The following DZIP3 variants were observed in gnomAD, a reference collection of about 807,000 sequenced individuals.
The protein encoded by DZIP3 is DAZ interacting zinc finger protein 3.
DZIP3 carries 118 observed loss-of-function variants against 162.0 expected under a neutral mutation model. That is an observed-to-expected ratio of 0.73 (90% CI 0.63 to 0.85). The LOEUF (loss-of-function observed/expected upper bound fraction) is 0.85. DZIP3 is among the 40% of genes least tolerant of loss of function. DZIP3 has a pLI of 0.00. For synonymous variants in DZIP3, 438 were observed against 458.6 expected, an observed-to-expected ratio of 0.96 and a Z score of 0.57; for missense variants, 1,331 against 1,407.0, an observed-to-expected ratio of 0.95 and a Z score of 0.86.
chr3:108,674,168 C>T lies in DZIP3; in HGVS notation c.2680C>T (p.His894Tyr), dbSNP rs1245874668. 6.2e-7 allele frequency: 1 copy of T among 1,611,956 alleles called. No individual in the cohort carries two copies. The highest frequency in any genetic ancestry group is 8.5e-7 in the Non-Finnish European group (1 of 1,178,766). The change falls in exon 24 of 33, where the codon CAC becomes TAC. Residue 894 changes from histidine to tyrosine, a missense_variant. Physicochemically the swap from His to Tyr is moderately conservative, Grantham distance 83. Coordinates refer to ENST00000361582, the MANE Select transcript of DZIP3 (RefSeq NM_014648.4). ...TCTCAATCAGCTTGCCAGGGTGACT[C>T]ACATGGCAGCAAGGTAACCTTTCCC... is the stretch of plus-strand genomic sequence containing the variant. The part of the protein sequence containing the change: ...ECLNQLARVT[H>Y]MAASNLESLQ...
At chr3:108,688,147 A>G (rs1045069267) in intron 29 of DZIP3, 51 bp downstream of exon 29, 1 of 1,597,254 alleles carries the variant, frequency 6.3e-7, no homozygotes, top group Admixed American at 1.7e-5. Flanking sequence ...CCTTAACTCT[A>G]GTAGTTAACT....
chr3:108,671,876 G>T (rs900101342), intron 22 of DZIP3, among the ~76,000 whole-genome samples: 1 of 151,914 alleles, frequency 6.6e-6, no homozygotes, highest in South Asian at 2.1e-4. Context: ...TGAGGAAACT[G>T]AGGTATAGAG....
chr3:108,626,107 T>A, intron 7 of DZIP3, 138 bp downstream of exon 7: 2 of 1,011,524 alleles, frequency 2.0e-6, no homozygotes, highest in Non-Finnish European at 2.8e-6. Flanking sequence ...CCTATTTGTA[T>A]AGATAATTTC....
chr3:108,645,901 G>A (rs1438201385), intron 14 of DZIP3, among the ~76,000 whole-genome samples: 1 of 152,068 alleles, frequency 6.6e-6, no homozygotes, highest in African/African-American at 2.4e-5. Context: ...ACTCTATTAG[G>A]ATTTTAAATA....
chr3:108,688,538 C>G, intron 29 of DZIP3, 55 bp from the exon 30 acceptor site: 3 of 1,562,470 alleles, frequency 1.9e-6, no homozygotes, highest in Non-Finnish European at 2.6e-6. Context: ...AATGTTTCAG[C>G]TCTTACTGTT....
At position 108,653,520 on chromosome 3, in the gene DZIP3, T is replaced by C. The variant is rs973414906; in HGVS notation, c.2034-625T>C. On this transcript the variant is annotated intron_variant, in intron 18 of 32. Transcript: ENST00000361582. Reference sequence around the variant, plus strand: ...TTGTGTGTGTGTGTATATATATATATATATATATATATATATATATATGTA... The same window carrying C: ...TTGTGTGTGTGTGTATATATATATACATATATATATATATATATATATGTA... Among the ~76,000 whole-genome samples, 332 of 134,216 alleles carry C rather than the reference T, an allele frequency of 2.5e-3. 3 individuals are homozygous for C. The highest frequency in any genetic ancestry group is 0.01 in the African/African-American group (308 of 30,058). 88.1% of individuals were successfully genotyped at this position (134,216 alleles called of 152,430 possible).
chr3:108,636,711 G>T lies in DZIP3; in HGVS notation c.1011+3G>T. ...TACCTGGAATTGTTAAAATTTTGGT[G>T]AGTATCTTGTTTTGTCCTTTTTTTT... On this transcript the variant is annotated splice_donor_region_variant and intron_variant, in intron 11 of 32. Transcript: ENST00000361582. The T allele has an allele frequency of 1.3e-6, 2 of 1,555,554 alleles. No individual in the cohort carries two copies. The highest frequency in any genetic ancestry group is 2.5e-5 in the South Asian group (2 of 81,178).
chr3:108,638,110 C>G (rs1053352478), intron 12 of DZIP3, among the ~76,000 whole-genome samples: 1 of 152,034 alleles, frequency 6.6e-6, no homozygotes, highest in Admixed American at 6.6e-5. Flanking sequence ...ATCAGTTTTC[C>G]CTTATTAGTT....
intron 3 of DZIP3, among the ~76,000 whole-genome samples, chr3:108,609,924 G>A (rs188695143): frequency 3.3e-5 from 5 of 152,200 alleles, no homozygotes; most frequent in East Asian, 1.9e-4. Flanking sequence ...ATTAGTATCC[G>A]ATGATTCTAC....
chr3:108,657,796 T>A (rs1045558770), intron 19 of DZIP3, among the ~76,000 whole-genome samples: 1 of 152,024 alleles, frequency 6.6e-6, no homozygotes, highest in Non-Finnish European at 1.5e-5. Flanking sequence ...TGGAGGAAGA[T>A]CTACCAAGCA....
At chr3:108,602,181 T>A (rs778730447) in intron 1 of DZIP3, among the ~76,000 whole-genome samples, 5 of 152,150 alleles carry the variant, frequency 3.3e-5, no homozygotes, top group Non-Finnish European at 5.9e-5. Flanking sequence ...AGTTAAATGT[T>A]TAAGTGGATT....
chr3:108,665,015 TAAA>T (rs1157898670), intron 21 of DZIP3, among the ~76,000 whole-genome samples: 2 of 152,116 alleles, frequency 1.3e-5, no homozygotes, highest in Non-Finnish European at 2.9e-5. Flanking sequence ...GACTGCCTGC[TAAA>T]AATAGGAAGA....
At position 108,636,727 on chromosome 3, in the gene DZIP3, CCTTTT is replaced by C; in HGVS notation, c.1011+20_1011+24del. The C allele has an allele frequency of 3.0e-6, 4 of 1,332,960 alleles. No homozygotes were observed. Among genetic ancestry groups the C allele is most frequent in the Non-Finnish European group, 3.9e-6 (4 of 1,031,658 alleles). The allele number at this position is 1,332,960 out of a possible 1,614,324, so 82.6% of individuals were successfully genotyped here. A position where few individuals can be genotyped will look rare whatever the true frequency, so the allele number is the denominator to read the frequency against. ...AATTTTGGTGAGTATCTTGTTTTGT[CCTTTT>C]TTTTTTTTCTTGCTTTCCTTCCTTG... On this transcript the variant is annotated intron_variant, in intron 11 of 32. Transcript: ENST00000361582.
At chr3:108,675,688 T>C in intron 24 of DZIP3, 98 bp from the exon 25 acceptor site, 1 of 1,011,922 alleles carries the variant, frequency 9.9e-7, no homozygotes, top group Non-Finnish European at 1.4e-6. Flanking sequence ...ATTTTGTTTT[T>C]TGTTGACATA....
chr3:108,667,692 A>T (rs1943739776), intron 21 of DZIP3, among the ~76,000 whole-genome samples: 1 of 152,168 alleles, frequency 6.6e-6, no homozygotes, highest in Admixed American at 6.6e-5. Flanking sequence ...ATACACGCAT[A>T]TGAATTTACA....
At position 108,616,654 on chromosome 3, in the gene DZIP3, T is replaced by C. The variant is rs1447250263; in HGVS notation, c.372T>C (p.Tyr124=). 1.9e-6 allele frequency: 3 copies of C among 1,578,480 alleles called. No homozygotes were observed. Among genetic ancestry groups the C allele is most frequent in the Middle Eastern group, 1.7e-4 (1 of 5,978 alleles). The part of the protein sequence containing the change: ...AALRNIQAGN[Y]TAHQINIGYY... ...TTAGGAACATTCAAGCTGGCAATTA[T>C]ACCGTAAGTGTTTTCTTTTTGGAAA... is the stretch of plus-strand genomic sequence containing the variant. Residue 124 remains tyrosine (Y), a synonymous_variant, in exon 5 of 33, where the codon TAT becomes TAC. Transcript: ENST00000361582.
intron 2 of DZIP3, among the ~76,000 whole-genome samples, chr3:108,606,554 A>G (rs576898635): frequency 1.3e-4 from 20 of 152,354 alleles, no homozygotes; most frequent in African/African-American, 4.1e-4. Context: ...AAAAATAATT[A>G]TTCCACAAAG....
In DZIP3 at chr3:108,686,444, G is replaced by C. The variant is rs1382994356; in HGVS notation, c.3010-1G>C. On this transcript the variant is annotated splice_acceptor_variant, in intron 27 of 32. Coordinates refer to ENST00000361582, the MANE Select transcript of DZIP3 (RefSeq NM_014648.4). LOFTEE classifies it high-confidence loss of function. ...GGGCTATAGCTCTCTGCCTCTTACA[G>C]ATGACTGGCATAGCCTGGGCTCTGC... 1 of 1,573,704 alleles carries C rather than the reference G, an allele frequency of 6.4e-7. No homozygotes were observed. Among genetic ancestry groups the C allele is most frequent in the South Asian group, 1.2e-5 (1 of 84,722 alleles).
At chr3:108,684,956 T>C (rs899106587) in intron 27 of DZIP3, among the ~76,000 whole-genome samples, 1 of 152,140 alleles carries the variant, frequency 6.6e-6, no homozygotes, top group African/African-American at 2.4e-5. Flanking sequence ...TAAAGGAAAA[T>C]CTTCCAAAAG....
Sources: allele counts gnomAD v4.1 joint callset (sites outside exome capture counted in the v4.1 genomes callset), GRCh38; gene constraint gnomAD v4.1.1; transcripts MANE v1.5; gene names NCBI Gene and HGNC (gene_info 2026-07-23, HGNC 2026-07-21).